Variants in HCN1 observed in about 807,000 individuals in gnomAD.
The protein encoded by HCN1 is hyperpolarization activated cyclic nucleotide gated potassium channel 1, also known as potassium/sodium hyperpolarization-activated cyclic nucleotide-gated channel 1.
HCN1 carries 13 observed loss-of-function variants against 78.9 expected under a neutral mutation model. The observed-to-expected ratio is 0.16, with a 90% confidence interval of 0.11 to 0.26. HCN1 has a LOEUF of 0.26. Ranked by LOEUF, HCN1 falls within the 10% of genes least tolerant of loss-of-function variation. The pLI, the probability that HCN1 is intolerant of heterozygous loss-of-function variation, is 1.00. For missense variants in HCN1, 810 were observed against 1,154.3 expected (o/e 0.70, Z 4.32); for synonymous variants, 552 against 455.5 (o/e 1.21, Z -2.70).
intron 2 of HCN1, among the ~76,000 whole-genome samples, chr5:45,579,993 C>T (rs970792478): frequency 6.6e-6 from 1 of 152,034 alleles, no homozygotes; most frequent in Non-Finnish European, 1.5e-5. Context: ...CCACCACATT[C>T]CTCTGGAATA....
intron 5 of HCN1, among the ~76,000 whole-genome samples, chr5:45,352,584 G>A (rs1020409991): frequency 3.3e-5 from 5 of 152,088 alleles, no homozygotes; most frequent in Admixed American, 2.0e-4. Flanking sequence ...TGGTCCAGGA[G>A]TGATCTGAAT....
chr5:45,523,687 G>A (rs1019002419), intron 2 of HCN1, among the ~76,000 whole-genome samples: 16 of 152,064 alleles, frequency 1.1e-4, no homozygotes, highest in South Asian at 6.2e-4. Flanking sequence ...CATGTCCTTC[G>A]CCCACTTTTT....
chr5:45,356,186 C>T (rs1330270602), intron 4 of HCN1, among the ~76,000 whole-genome samples: 1 of 151,768 alleles, frequency 6.6e-6, no homozygotes, highest in Non-Finnish European at 1.5e-5. Flanking sequence ...TAGTAATATA[C>T]TATATGCAAA....
intron 5 of HCN1, among the ~76,000 whole-genome samples, chr5:45,344,373 C>G (rs187090702): frequency 2.0e-5 from 3 of 152,190 alleles, no homozygotes; most frequent in East Asian, 3.9e-4. Flanking sequence ...ATCTCATGTC[C>G]TCACATTTCC....
chr5:45,409,152 A>C (rs1192904378), intron 3 of HCN1, among the ~76,000 whole-genome samples: 1 of 152,084 alleles, frequency 6.6e-6, no homozygotes, highest in Non-Finnish European at 1.5e-5. Flanking sequence ...AGACTATATA[A>C]AAGGCTGCTA....
intron 5 of HCN1, among the ~76,000 whole-genome samples, chr5:45,334,819 A>C (rs563342691): frequency 8.9e-4 from 135 of 152,104 alleles, no homozygotes; most frequent in African/African-American, 3.1e-3. Flanking sequence ...AATATCTTAA[A>C]ATTTATAAGA....
intron 1 of HCN1, among the ~76,000 whole-genome samples, chr5:45,679,049 A>G (rs753440742): frequency 5.3e-5 from 8 of 152,040 alleles, no homozygotes; most frequent in Non-Finnish European, 1.0e-4. Flanking sequence ...TATAATTCCT[A>G]AAAGTGTATA....
Position 45,696,122 on chromosome 5 carries a change from G to A in HCN1, c.-29C>T. On this transcript the variant is annotated 5_prime_UTR_variant, in exon 1 of 8. Coordinates refer to ENST00000303230, the MANE Select transcript of HCN1 (RefSeq NM_021072.4). ...CGGAGGACGCGGCCGGCGACGGCGC[G>A]GGCTCCAGACTCGCCGGCCGCCCGG... 14 of 1,309,930 alleles carry A rather than the reference G, an allele frequency of 1.1e-5. No homozygotes were observed. The highest frequency in any genetic ancestry group is 1.4e-5 in the Non-Finnish European group (14 of 1,016,462). The allele number at this position is 1,309,930 out of a possible 1,614,324, so 81.1% of individuals were successfully genotyped here. A position where few individuals can be genotyped will look rare whatever the true frequency, so the allele number is the denominator to read the frequency against.
chr5:45,502,313 A>G (rs1453587975), intron 2 of HCN1, among the ~76,000 whole-genome samples: 1 of 151,804 alleles, frequency 6.6e-6, no homozygotes, highest in Non-Finnish European at 1.5e-5. Context: ...ACTAAAAAAA[A>G]AAAACAAAAC....
In HCN1 at chr5:45,683,660, CAT is replaced by C. The variant is rs1176270005; in HGVS notation, c.425+12007_425+12008del. 8.6e-5 allele frequency among the ~76,000 whole-genome samples: 13 copies of C among 151,582 alleles called. 1 individual carries two copies. Among genetic ancestry groups the C allele is most frequent in the South Asian group, 2.1e-4 (1 of 4,814 alleles). On this transcript the variant is annotated intron_variant, in intron 1 of 7. Coordinates refer to ENST00000303230, the MANE Select transcript of HCN1 (RefSeq NM_021072.4). Reference sequence around the variant, plus strand: ...ATATATATATATACACACACACACACATATGTTTTGTCTTTTTTTTTTTTGAT... The same window carrying C: ...ATATATATATATACACACACACACACATGTTTTGTCTTTTTTTTTTTTGAT...
intron 1 of HCN1, among the ~76,000 whole-genome samples, chr5:45,647,316 T>C (rs960983686): frequency 6.6e-6 from 1 of 152,110 alleles, no homozygotes; most frequent in African/African-American, 2.4e-5. Flanking sequence ...AGAGGAGAGA[T>C]GTAGAGGAGG....
intron 5 of HCN1, among the ~76,000 whole-genome samples, chr5:45,311,951 A>AT (rs1437539672): frequency 7.2e-5 from 11 of 152,208 alleles, no homozygotes; most frequent in African/African-American, 2.7e-4. Flanking sequence ...GCTGCAAACT[A>AT]TTTCCTCAAA....
At position 45,350,632 on chromosome 5, in the gene HCN1, T is replaced by C. The variant is rs528144455; in HGVS notation, c.1377+2468A>G. ...ATTGTATATCTAGAAAACCCCATTG[T>C]CTCAGCCCAAAATCTCCTTAAGCTG... On this transcript the variant is annotated intron_variant, in intron 5 of 7. Coordinates refer to ENST00000303230, the MANE Select transcript of HCN1 (RefSeq NM_021072.4). Among the ~76,000 whole-genome samples the C allele has an allele frequency of 6.6e-5, 10 of 151,398 alleles. No homozygotes were observed. In the East Asian group the frequency reaches 1.9e-3, roughly 29 times the overall value.
intron 3 of HCN1, among the ~76,000 whole-genome samples, chr5:45,408,066 T>C (rs1346013190): frequency 6.6e-6 from 1 of 152,180 alleles, no homozygotes; most frequent in Admixed American, 6.5e-5. Context: ...AGTTGTACAA[T>C]GTGCTTGTGT....
At chr5:45,472,407 TAGTG>T (rs1463116370) in intron 2 of HCN1, among the ~76,000 whole-genome samples, 1 of 151,498 alleles carries the variant, frequency 6.6e-6, no homozygotes, top group African/African-American at 2.4e-5. Context: ...TCTTACTAGA[TAGTG>T]AGCCCTAGAG....
At chr5:45,361,087 C>A (rs1369803124) in intron 4 of HCN1, among the ~76,000 whole-genome samples, 1 of 152,024 alleles carries the variant, frequency 6.6e-6, no homozygotes, top group Admixed American at 6.6e-5. Flanking sequence ...TCTTGTTGCC[C>A]AGGCTGGAGT....
At chr5:45,458,836 T>A (rs537528677) in intron 3 of HCN1, among the ~76,000 whole-genome samples, 1 of 152,234 alleles carries the variant, frequency 6.6e-6, no homozygotes, top group African/African-American at 2.4e-5. Flanking sequence ...CCAAATAAGA[T>A]AGCATCCTTC....
chr5:45,455,186 C>T (rs1741005078), intron 3 of HCN1, among the ~76,000 whole-genome samples: 1 of 152,026 alleles, frequency 6.6e-6, no homozygotes, highest in Admixed American at 6.6e-5. Context: ...AATAGGCTTG[C>T]ATGGCTTCAT....
chr5:45,343,821 G>T (rs1231863682), intron 5 of HCN1, among the ~76,000 whole-genome samples: 1 of 151,572 alleles, frequency 6.6e-6, no homozygotes, highest in East Asian at 1.9e-4. Flanking sequence ...CAATGGCTCA[G>T]AAATGTTGCA....
Sources: gnomAD v4.1 joint callset for allele counts (sites outside exome capture counted in the v4.1 genomes callset) on GRCh38, gnomAD v4.1.1 for gene constraint, MANE v1.5 for transcripts, NCBI Gene and HGNC (gene_info 2026-07-23, HGNC 2026-07-21) for gene names.